Variants in ASXL2 observed in about 807,000 individuals in gnomAD.
ASXL2 encodes the protein ASXL transcriptional regulator 2.
ASXL2 carries 23 observed loss-of-function variants against 122.0 expected under a neutral mutation model. That is an observed-to-expected ratio of 0.19 (90% CI 0.14 to 0.27). ASXL2 has a LOEUF of 0.27. Ranked by LOEUF, ASXL2 falls within the 10% of genes least tolerant of loss-of-function variation. The pLI, the probability that ASXL2 is intolerant of heterozygous loss-of-function variation, is 1.00. For missense variants in ASXL2, 1,518 were observed against 1,713.8 expected (o/e 0.89, Z 2.02); for synonymous variants, 650 against 637.0 (o/e 1.02, Z -0.31).
intron 3 of ASXL2, chr2:25,822,855 A>G: frequency 1.8e-6 from 1 of 552,574 alleles, no homozygotes; most frequent in South Asian, 1.4e-5. Flanking sequence ...GATGAACAAC[A>G]TGGGTGGTGA....
chr2:25,744,237 ACCTTGTCCACCCCCTGGG>A lies in ASXL2; in HGVS notation c.2082_2099del (p.Gly697_Gly702del), dbSNP rs1559498545. The stretch of plus-strand genomic sequence containing the variant: ...TCTGCCCTTCACCACCCTCTCCTGG[ACCTTGTCCACCCCCTGGG>A]CCAGGTCCTGGAATGGTCCCTCCAA... On this transcript the variant is annotated inframe_deletion, in exon 13 of 13. Coordinates refer to ENST00000435504, the MANE Select transcript of ASXL2 (RefSeq NM_018263.6). This position sits in a 1 kb window ranked among gnomAD's most constrained non-coding sequence, Gnocchi z 4.7. 6.2e-7 allele frequency: 1 copy of A among 1,613,692 alleles called. No homozygotes were observed. Among genetic ancestry groups the A allele is most frequent in the Admixed American group, 1.7e-5 (1 of 59,998 alleles).
chr2:25,754,177 T>C (rs1011554541), intron 10 of ASXL2, among the ~76,000 whole-genome samples: 1 of 152,046 alleles, frequency 6.6e-6, no homozygotes, highest in African/African-American at 2.4e-5. Flanking sequence ...GTTCCACAAA[T>C]TGTACCAGGC....
intron 1 of ASXL2, among the ~76,000 whole-genome samples, chr2:25,870,729 C>T (rs1574457464): frequency 6.6e-6 from 1 of 152,082 alleles, no homozygotes; most frequent in South Asian, 2.1e-4. Context: ...AGTAATGACA[C>T]GACAAGCTAT....
At chr2:25,771,970 CCA>C (rs2088463875) in intron 5 of ASXL2, among the ~76,000 whole-genome samples, 1 of 152,152 alleles carries the variant, frequency 6.6e-6, no homozygotes. Context: ...CAAAACTCTA[CCA>C]CAGTTTTAAT....
chr2:25,852,273 T>G (rs2089725056), intron 1 of ASXL2, among the ~76,000 whole-genome samples: 1 of 152,196 alleles, frequency 6.6e-6, no homozygotes, highest in South Asian at 2.1e-4. Flanking sequence ...GCTTAATATA[T>G]TTACTTCTTA....
intron 8 of ASXL2, among the ~76,000 whole-genome samples, chr2:25,762,665 GAAAAAAAAAAA>G (rs60065368): frequency 2.9e-5 from 1 of 34,266 alleles, no homozygotes; most frequent in Non-Finnish European, 4.8e-5. Context: ...ACTCTTTCTC[GAAAAAAAAAAA>G]AAAAAAAAAA....
rs35244304 is a variant in ASXL2 at position 25,869,912 on chromosome 2, TA to T, written c.57+8253del. Among the ~76,000 whole-genome samples, 353 of 137,622 alleles carry T rather than the reference TA, an allele frequency of 2.6e-3. 1 individual carries two copies. The highest frequency in any genetic ancestry group is 8.6e-3 in the Admixed American group (118 of 13,720). 90.3% of individuals were successfully genotyped at this position (137,622 alleles called of 152,430 possible). ...GGTATATCCAGTAACAATGAAATAC[TA>T]AAAAAAAAAAAAGAAAGAAACATTG... On this transcript the variant is annotated intron_variant, in intron 1 of 12. Coordinates refer to ENST00000435504, the MANE Select transcript of ASXL2 (RefSeq NM_018263.6).
At chr2:25,755,339 A>C (rs2088114096) in intron 10 of ASXL2, among the ~76,000 whole-genome samples, 1 of 152,208 alleles carries the variant, frequency 6.6e-6, no homozygotes, top group Non-Finnish European at 1.5e-5. Flanking sequence ...GGTGTTTTTC[A>C]GCTGTAGAGG....
At chr2:25,802,690 A>G (rs560105732) in intron 4 of ASXL2, among the ~76,000 whole-genome samples, 27 of 152,260 alleles carry the variant, frequency 1.8e-4, no homozygotes, top group African/African-American at 6.3e-4. Context: ...ATGTGACTAG[A>G]GGGTTGGAAC....
Position 25,736,555 on chromosome 2 carries a change from G to T in ASXL2, c.*5474C>A, listed in dbSNP as rs568495446. On this transcript the variant is annotated 3_prime_UTR_variant, in exon 13 of 13. Coordinates refer to ENST00000435504, the MANE Select transcript of ASXL2 (RefSeq NM_018263.6). Reference sequence around the variant, plus strand: ...ATCTAGACTGCTGTTCTCTTGGAAGGCTGAATTATCTCCAACGTCTTGGGA... The same window carrying T: ...ATCTAGACTGCTGTTCTCTTGGAAGTCTGAATTATCTCCAACGTCTTGGGA... The T allele has an allele frequency of 6.6e-6, 1 of 151,910 alleles. No individual in the cohort carries two copies. The highest frequency in any genetic ancestry group is 2.4e-5 in the African/African-American group (1 of 41,392). The allele number at this position is 151,910 out of a possible 1,614,324, so 9.4% of individuals were successfully genotyped here.
At chr2:25,809,947 A>C (rs191853753) in intron 3 of ASXL2, 1 of 523,968 alleles carries the variant, frequency 1.9e-6, no homozygotes, top group East Asian at 5.2e-5. Context: ...CAGGTCAAGC[A>C]GAGTCTGGTC....
Position 25,846,775 on chromosome 2 carries a change from C to T in ASXL2, c.58-1212G>A, listed in dbSNP as rs116725677. Among the ~76,000 whole-genome samples, 1,428 of 152,274 alleles carry T rather than the reference C, an allele frequency of 9.4e-3. 18 individuals carry two copies. Among genetic ancestry groups the T allele is most frequent in the Non-Finnish European group, 0.013 (892 of 68,028 alleles). ...AGGTTGCAGTAAGCCGAGATTGTGC[C>T]CCTGCACTACAGCCTGGGCAACAGA... On this transcript the variant is annotated intron_variant, in intron 1 of 12. Transcript: ENST00000435504.
intron 5 of ASXL2, among the ~76,000 whole-genome samples, chr2:25,772,963 C>T (rs2088482069): frequency 6.6e-6 from 1 of 151,906 alleles, no homozygotes; most frequent in Non-Finnish European, 1.5e-5. Flanking sequence ...AATCCCAGTA[C>T]TTTGGGAGGC....
chr2:25,811,115 T>A (rs72801828), intron 3 of ASXL2, among the ~76,000 whole-genome samples: 1 of 138,326 alleles, frequency 7.2e-6, no homozygotes, highest in African/African-American at 2.7e-5. Context: ...CAGCCATGCA[T>A]TGTGGCACAC....
chr2:25,796,949 G>A (rs559600320), intron 5 of ASXL2, among the ~76,000 whole-genome samples: 14 of 151,950 alleles, frequency 9.2e-5, no homozygotes, highest in Non-Finnish European at 1.3e-4. Flanking sequence ...AACTCAAAAT[G>A]GATCACAGAC....
At chr2:25,763,224 GC>G (rs1211601772) in intron 8 of ASXL2, among the ~76,000 whole-genome samples, 3,103 of 152,210 alleles carry the variant, frequency 0.02, 77 homozygotes, top group African/African-American at 0.066. Context: ...AGTGGCTCAT[GC>G]CTGTAATCCC....
chr2:25,852,396 G>A (rs975076678), intron 1 of ASXL2, among the ~76,000 whole-genome samples: 4 of 152,096 alleles, frequency 2.6e-5, no homozygotes, highest in African/African-American at 7.2e-5. Context: ...CCTAAATAAC[G>A]GGAATATTTC....
intron 2 of ASXL2, among the ~76,000 whole-genome samples, chr2:25,836,864 A>G (rs1345972001): frequency 1.3e-5 from 2 of 152,222 alleles, no homozygotes; most frequent in Non-Finnish European, 2.9e-5. Context: ...TGTGGACAAT[A>G]AATTCACGAA....
chr2:25,815,931 G>A (rs952382745), intron 3 of ASXL2, among the ~76,000 whole-genome samples: 1 of 152,108 alleles, frequency 6.6e-6, no homozygotes, highest in African/African-American at 2.4e-5. Context: ...CAACAACACA[G>A]GAGAATATTC....
Sources: gnomAD v4.1 joint callset for allele counts (sites outside exome capture counted in the v4.1 genomes callset) on GRCh38, gnomAD v4.1.1 for gene constraint, Gnocchi (gnomAD v3.1) non-coding constraint, MANE v1.5 for transcripts, NCBI Gene and HGNC (gene_info 2026-07-23, HGNC 2026-07-21) for gene names.